The following REDIC1 variants were observed in gnomAD, a reference collection of about 807,000 sequenced individuals.
REDIC1 encodes HEI10 Interacting Protein 1.
chr12:39,682,737 GA>G, the REDIC1 span: 2 of 1,613,354 alleles, frequency 1.2e-6, no homozygotes. Flanking sequence ...ATATTTGGGG[GA>G]AAAATGGAAA....
chr12:39,874,615 CAAA>C, the REDIC1 span, among the ~76,000 whole-genome samples: 20 of 101,074 alleles, frequency 2.0e-4, no homozygotes, highest in African/African-American at 2.6e-4. Context: ...AACTCCATCT[CAAA>C]AAAAAAAAAA....
At chr12:39,676,654 T>C in the REDIC1 span, among the ~76,000 whole-genome samples, 1 of 152,152 alleles carries the variant, frequency 6.6e-6, no homozygotes, top group Non-Finnish European at 1.5e-5. Flanking sequence ...TAAATAGTTA[T>C]CAAGTTATCT....
At chr12:39,847,644 T>C in the REDIC1 span, among the ~76,000 whole-genome samples, 1 of 152,068 alleles carries the variant, frequency 6.6e-6, no homozygotes, top group Non-Finnish European at 1.5e-5. Flanking sequence ...TGCCTGATGA[T>C]ACTAGATGTA....
the REDIC1 span, among the ~76,000 whole-genome samples, chr12:39,632,075 CTT>C: frequency 6.7e-6 from 1 of 150,274 alleles, no homozygotes; most frequent in Non-Finnish European, 1.5e-5. Context: ...ATAATGTTAA[CTT>C]GAGAAATAAG....
the REDIC1 span, among the ~76,000 whole-genome samples, chr12:39,741,763 T>C: frequency 1.3e-5 from 2 of 152,206 alleles, no homozygotes; most frequent in African/African-American, 2.4e-5. Context: ...TAGGCAGGTT[T>C]CCAGATTCTT....
chr12:39,746,486 C>T, the REDIC1 span, among the ~76,000 whole-genome samples: 1 of 152,206 alleles, frequency 6.6e-6, no homozygotes, highest in African/African-American at 2.4e-5. Flanking sequence ...CCTCTGTAGA[C>T]TCCACCTCTG....
chr12:39,850,073 T>C, the REDIC1 span, among the ~76,000 whole-genome samples: 1 of 152,150 alleles, frequency 6.6e-6, no homozygotes, highest in East Asian at 1.9e-4. Flanking sequence ...TATCCCTCTT[T>C]CTGCAATGTC....
the REDIC1 span, among the ~76,000 whole-genome samples, chr12:39,704,261 G>T: frequency 6.6e-6 from 1 of 152,030 alleles, no homozygotes; most frequent in Middle Eastern, 3.2e-3. Flanking sequence ...AGTGGGCAAA[G>T]GATATGAACA....
At chr12:39,756,883 C>T in the REDIC1 span, 6 of 151,410 alleles carry the variant, frequency 4.0e-5, no homozygotes, top group Admixed American at 6.6e-5. Context: ...AAAAAATAGT[C>T]GGTATTCTCA....
the REDIC1 span, among the ~76,000 whole-genome samples, chr12:39,673,076 T>C: frequency 1.3e-5 from 2 of 152,050 alleles, no homozygotes; most frequent in Non-Finnish European, 2.9e-5. Flanking sequence ...TTTAACCTTT[T>C]CCCACACTGG....
the REDIC1 span, among the ~76,000 whole-genome samples, chr12:39,783,974 A>C: frequency 6.6e-6 from 1 of 152,218 alleles, no homozygotes; most frequent in African/African-American, 2.4e-5. Context: ...TCCCATTCAC[A>C]ATTGCTTCAA....
the REDIC1 span, among the ~76,000 whole-genome samples, chr12:39,798,477 A>G: frequency 6.6e-6 from 1 of 152,248 alleles, no homozygotes; most frequent in African/African-American, 2.4e-5. Context: ...ACCTTAATGA[A>G]CAGTAAACTA....
chr12:39,691,351 A>G, the REDIC1 span, among the ~76,000 whole-genome samples: 1 of 152,182 alleles, frequency 6.6e-6, no homozygotes, highest in African/African-American at 2.4e-5. Flanking sequence ...CCAACAGAGA[A>G]TGTATAGAAA....
chr12:39,626,336 G>A, the REDIC1 span: 2 of 1,614,168 alleles, frequency 1.2e-6, no homozygotes, highest in Non-Finnish European at 1.7e-6. Flanking sequence ...GATTTGGGAA[G>A]ATGAATTGGG....
At chr12:39,819,566 T>A in the REDIC1 span, among the ~76,000 whole-genome samples, 2 of 152,176 alleles carry the variant, frequency 1.3e-5, no homozygotes, top group Admixed American at 6.5e-5. Flanking sequence ...CATTTACCTT[T>A]TCTCTCAAAT....
At chr12:39,716,450 T>A in the REDIC1 span, among the ~76,000 whole-genome samples, 20 of 152,048 alleles carry the variant, frequency 1.3e-4, no homozygotes, top group Admixed American at 1.3e-3. Flanking sequence ...AAATTATTAG[T>A]TCATAAAATA....
the REDIC1 span, chr12:39,864,657 A>G: frequency 2.1e-6 from 3 of 1,442,346 alleles, no homozygotes; most frequent in South Asian, 4.2e-5. Flanking sequence ...ATAAGCCTGG[A>G]TGCCCAGCAA....
chr12:39,646,953 A>C, the REDIC1 span: 1 of 1,073,014 alleles, frequency 9.3e-7, no homozygotes, highest in Non-Finnish European at 1.4e-6. Context: ...TAATGATCTA[A>C]ATGTCTGAAT....
chr12:39,653,558 T>TTCTTTCTTCTTCTTCTTC, the REDIC1 span, among the ~76,000 whole-genome samples: 1 of 43,842 alleles, frequency 2.3e-5, no homozygotes, highest in Non-Finnish European at 5.4e-5. Context: ...CTTCTTCTTC[T>TTCTTTCTTCTTCTTCTTC]TTCTTCTTCT....
Sources: gnomAD v4.1 joint callset for allele counts (sites outside exome capture counted in the v4.1 genomes callset) on GRCh38, gnomAD v4.1.1 for gene constraint, MANE v1.5 for transcripts, NCBI Gene and HGNC (gene_info 2026-07-23, HGNC 2026-07-21) for gene names.